STOX2: variants seen among roughly 807,000 people sequenced by gnomAD.
STOX2 encodes the protein storkhead-box protein 2.
STOX2 carries 28 observed loss-of-function variants against 60.9 expected under a neutral mutation model. The observed-to-expected ratio is 0.46, with a 90% CI of 0.34 to 0.63. The LOEUF (loss-of-function observed/expected upper bound fraction) is 0.63, where lower values mean the gene tolerates loss of function less well. STOX2 is among the 30% of genes least tolerant of loss of function. The pLI is 0.01. For missense variants in STOX2, 1,024 were observed against 1,187.7 expected, an observed-to-expected ratio of 0.86 and a Z score of 2.03; for synonymous variants, 472 against 463.9, an observed-to-expected ratio of 1.02 and a Z score of -0.22.
chr4:184,002,586 G>A (rs367909659), intron 2 of STOX2, among the ~76,000 whole-genome samples: 11 of 152,260 alleles, frequency 7.2e-5, no homozygotes, highest in East Asian at 3.9e-4. Context: ...TTTAGAAAAC[G>A]GGGCAAATGG....
intron 1 of STOX2, among the ~76,000 whole-genome samples, chr4:183,872,307 C>T (rs184110495): frequency 8.8e-4 from 134 of 152,270 alleles, no homozygotes; most frequent in African/African-American, 3.0e-3. Context: ...CCTCCTGCCT[C>T]GGCCTCCCAA....
chr4:183,860,652 G>T (rs995964732), intron 1 of STOX2, among the ~76,000 whole-genome samples: 4 of 152,176 alleles, frequency 2.6e-5, no homozygotes, highest in Non-Finnish European at 4.4e-5. Flanking sequence ...GACAGGAAAC[G>T]TGGCAGAGGG....
intron 2 of STOX2, among the ~76,000 whole-genome samples, chr4:184,003,225 A>G (rs1398731461): frequency 6.6e-6 from 1 of 152,212 alleles, no homozygotes; most frequent in Non-Finnish European, 1.5e-5. Flanking sequence ...TTATTTTTAT[A>G]TAGCTTCATG....
At chr4:183,907,135 C>T (rs543701781) in intron 1 of STOX2, among the ~76,000 whole-genome samples, 179 bp downstream of exon 1, 2 of 152,274 alleles carry the variant, frequency 1.3e-5, no homozygotes, top group South Asian at 4.1e-4. Flanking sequence ...ACAGCAGGCC[C>T]TCTCAATATG....
At chr4:183,859,730 A>G (rs1247169939) in intron 1 of STOX2, among the ~76,000 whole-genome samples, 5 of 152,262 alleles carry the variant, frequency 3.3e-5, no homozygotes, top group Admixed American at 2.6e-4. Context: ...TATGATTTTG[A>G]TATCACAAGT....
chr4:184,007,673 G>A (rs1191059014), intron 2 of STOX2, among the ~76,000 whole-genome samples: 5 of 152,142 alleles, frequency 3.3e-5, no homozygotes, highest in Non-Finnish European at 7.3e-5. Flanking sequence ...CTACAGTTCT[G>A]GAGGCCAGAA....
At position 184,004,598 on chromosome 4, in the gene STOX2, T is replaced by TA. The variant is rs1315278524; in HGVS notation, c.319+3121_319+3122insA. On this transcript the variant is annotated intron_variant, in intron 2 of 3. Transcript: ENST00000308497. ...CTGGGCGACAGAGCGAGACTCCGTT[T>TA]CAAAAACAAAAACAAAAAAAAAATT... Among the ~76,000 whole-genome samples the TA allele has an allele frequency of 1.6e-4, 17 of 104,006 alleles. 1 individual carries two copies. The highest frequency in any genetic ancestry group is 1.6e-3 in the Admixed American group (16 of 9,934). The allele number at this position is 104,006 out of a possible 152,430, so 68.2% of individuals were successfully genotyped here.
At chr4:183,864,965 A>C (rs1039691366) in intron 1 of STOX2, among the ~76,000 whole-genome samples, 1 of 152,114 alleles carries the variant, frequency 6.6e-6, no homozygotes, top group Admixed American at 6.6e-5. Flanking sequence ...GCAAATCTAA[A>C]ATGCTTTTCT....
At position 184,020,819 on chromosome 4, in the gene STOX2, A is replaced by G. The variant is rs987312045; in HGVS notation, c.*3535A>G. 1 of 152,214 alleles carries G rather than the reference A, an allele frequency of 6.6e-6. No homozygotes were observed. Among genetic ancestry groups the G allele is most frequent in the African/African-American group, 2.4e-5 (1 of 41,452 alleles). 9.4% of individuals were successfully genotyped at this position (152,214 alleles called of 1,614,324 possible). A position where few individuals can be genotyped will look rare whatever the true frequency, so the allele number is the denominator to read the frequency against. On this transcript the variant is annotated 3_prime_UTR_variant, in exon 4 of 4. Transcript: ENST00000308497. ...AAGCATCAATTCACAGTTAATCCGG[A>G]GTAACAATGATCTGAACACCAGCTG...
At chr4:183,851,272 A>G (rs1226611802) in intron 1 of STOX2, among the ~76,000 whole-genome samples, 1 of 80,426 alleles carries the variant, frequency 1.2e-5, no homozygotes, top group Non-Finnish European at 2.9e-5. Context: ...GATGAGAGAA[A>G]CGATGAGGGA....
intron 1 of STOX2, among the ~76,000 whole-genome samples, chr4:183,883,633 A>G (rs1741008719): frequency 6.6e-6 from 1 of 151,888 alleles, no homozygotes. Context: ...TATAAATATT[A>G]TATAGTCATT....
chr4:184,000,945 AATC>A (rs1733568402), intron 1 of STOX2, among the ~76,000 whole-genome samples: 1 of 152,258 alleles, frequency 6.6e-6, no homozygotes, highest in African/African-American at 2.4e-5. Flanking sequence ...TGAATGAATG[AATC>A]ATCAAGTTAC....
rs189843473 is a variant in STOX2 at position 183,963,668 on chromosome 4, C to T, written c.167-37657C>T. ...TTCGAACTCCTGACCTCAGGTGATCCGCCTGCCTCGGCCTCCCAAAGTGCT... is the reference window on the plus strand; with the variant it reads ...TTCGAACTCCTGACCTCAGGTGATCTGCCTGCCTCGGCCTCCCAAAGTGCT... On this transcript the variant is annotated intron_variant, in intron 1 of 3. Transcript: ENST00000308497. 2.9e-3 allele frequency among the ~76,000 whole-genome samples: 442 copies of T among 151,940 alleles called. 1 individual carries two copies. Among genetic ancestry groups the T allele is most frequent in the Non-Finnish European group, 3.8e-3 (256 of 67,964 alleles).
chr4:183,891,347 T>TATGATGG (rs1741205829), intron 1 of STOX2, among the ~76,000 whole-genome samples: 1 of 134,848 alleles, frequency 7.4e-6, no homozygotes, highest in African/African-American at 2.8e-5. Context: ...GGAATATATA[T>TATGATGG]ATGATGGAAT....
Position 183,836,136 on chromosome 4 carries a change from A to T in STOX2, c.364+38081A>T, listed in dbSNP as rs891851666. Among the ~76,000 whole-genome samples, 2 of 151,976 alleles carry T rather than the reference A, an allele frequency of 1.3e-5. No homozygotes were observed. The highest frequency in any genetic ancestry group is 1.5e-5 in the Non-Finnish European group (1 of 68,006). ...GACTAATGATGTTGAACGTCTTTTC[A>T]TGTGCTTTTTGGCTGTTTATCATAG... On this transcript the variant is annotated intron_variant, in intron 1 of 2. Transcript: ENST00000513034. The surrounding 1 kb of genome is among the most constrained non-coding windows in gnomAD (Gnocchi z 4.1).
chr4:183,820,521 G>A (rs1389114037), intron 1 of STOX2, among the ~76,000 whole-genome samples: 1 of 152,188 alleles, frequency 6.6e-6, no homozygotes, highest in African/African-American at 2.4e-5. Flanking sequence ...CCTATTGGAG[G>A]ATTCAATGAG....
upstream of STOX2, among the ~76,000 whole-genome samples, chr4:183,900,453 ATCC>A (rs1741437574): frequency 6.6e-6 from 1 of 152,154 alleles, no homozygotes; most frequent in African/African-American, 2.4e-5. Flanking sequence ...AAAATTTGTG[ATCC>A]ATGGGAGGAG....
Position 184,020,539 on chromosome 4 carries a change from C to T in STOX2, c.*3255C>T, listed in dbSNP as rs1180040871. ...AAGCTTGAAGCACTTCGGGCTCTGC[C>T]TTCACTCGCATGCTACCATGTCGAG... On this transcript the variant is annotated 3_prime_UTR_variant, in exon 4 of 4. Transcript: ENST00000308497. 6.6e-6 allele frequency: 1 copy of T among 152,152 alleles called. No homozygotes were observed. The highest frequency in any genetic ancestry group is 1.5e-5 in the Non-Finnish European group (1 of 68,036). 9.4% of individuals were successfully genotyped at this position (152,152 alleles called of 1,614,324 possible).
At chr4:183,953,202 TGTG>T (rs1743144219) in intron 1 of STOX2, among the ~76,000 whole-genome samples, 1 of 151,910 alleles carries the variant, frequency 6.6e-6, no homozygotes, top group South Asian at 2.1e-4. Context: ...AAAAAAAAAG[TGTG>T]GTGTTTCCCA....
Sources: allele counts gnomAD v4.1 joint callset (sites outside exome capture counted in the v4.1 genomes callset), GRCh38; gene constraint gnomAD v4.1.1; non-coding constraint Gnocchi (gnomAD v3.1); transcripts MANE v1.5; gene names NCBI Gene and HGNC (gene_info 2026-07-23, HGNC 2026-07-21).